ARAP2: variants seen among roughly 807,000 people sequenced by gnomAD.
The protein encoded by ARAP2 is arf-GAP with Rho-GAP domain, ANK repeat and PH domain-containing protein 2.
Under a neutral mutation model 194.5 loss-of-function variants are expected in ARAP2, and 148 were observed. The ratio of observed to expected loss-of-function variants is 0.76; its 90% confidence interval spans 0.67 to 0.87. The LOEUF is 0.87. Among genes scored for constraint, ARAP2 ranks in the 40% least tolerant of loss-of-function variants. The pLI is 0.00. For synonymous variants in ARAP2, 695 were observed against 683.5 expected (o/e 1.02, Z -0.26); for missense variants, 2,128 against 1,989.7 (o/e 1.07, Z -1.32).
chr4:36,107,096 A>G (rs1718615889), intron 27 of ARAP2, among the ~76,000 whole-genome samples: 1 of 151,992 alleles, frequency 6.6e-6, no homozygotes, highest in African/African-American at 2.4e-5. Flanking sequence ...GATGGGAAGC[A>G]TTCTTACTGG....
Position 36,229,409 on chromosome 4 carries a change from A to T in ARAP2, c.78T>A (p.His26Gln), listed in dbSNP as rs1751001706. 1.9e-6 allele frequency: 3 copies of T among 1,613,864 alleles called. No individual in the cohort carries two copies. The South Asian group carries it at 3.3e-5, about 18-fold the overall frequency. The stretch of plus-strand genomic sequence containing the variant: ...CAGTAGTAAAACCAGACTCATGGAA[A>T]TGTAAGAGATACTGCTCCAAATTAA... ...MSINLEQYLL[H>Q]FHESGFTTVK... is the part of the protein sequence containing the mutation. Residue 26 changes from histidine (H) to glutamine (Q), a missense_variant, in exon 2 of 33, where the codon CAT (histidine) becomes CAA (glutamine). Transcript: ENST00000303965.
chr4:36,019,963 G>A (rs558862718), intron 5 of ARAP2, among the ~76,000 whole-genome samples: 9 of 152,156 alleles, frequency 5.9e-5, no homozygotes, highest in Non-Finnish European at 1.2e-4. Context: ...TTTTTTCCCT[G>A]TAAATACATA....
intron 19 of ARAP2, among the ~76,000 whole-genome samples, chr4:36,144,378 T>C (rs1431632191): frequency 6.6e-6 from 1 of 151,904 alleles, no homozygotes; most frequent in African/African-American, 2.4e-5. Flanking sequence ...TAAAACTGCA[T>C]TTATGCTAGT....
intron 31 of ARAP2, among the ~76,000 whole-genome samples, chr4:36,078,207 G>C (rs941402945): frequency 3.3e-5 from 5 of 152,120 alleles, no homozygotes; most frequent in Non-Finnish European, 7.4e-5. Flanking sequence ...TTTAGTAAGA[G>C]AGGCAGACAT....
At chr4:36,164,341 CACTT>C (rs2109795600) in intron 11 of ARAP2, among the ~76,000 whole-genome samples, 1 of 152,226 alleles carries the variant, frequency 6.6e-6, no homozygotes, top group Admixed American at 6.5e-5. Context: ...TCCTTCCACT[CACTT>C]GGGCAACTGT....
intron 5 of ARAP2, among the ~76,000 whole-genome samples, chr4:36,024,250 T>C (rs760180483): frequency 6.6e-6 from 1 of 152,198 alleles, no homozygotes; most frequent in Non-Finnish European, 1.5e-5. Flanking sequence ...CAACGATTTA[T>C]GAATATATAT....
At chr4:36,221,206 C>CTA (rs1429422707) in intron 2 of ARAP2, among the ~76,000 whole-genome samples, 2 of 151,954 alleles carry the variant, frequency 1.3e-5, no homozygotes, top group Non-Finnish European at 2.9e-5. Flanking sequence ...GTGTAATAGG[C>CTA]TATACCATCT....
At chr4:36,239,473 C>T (rs1753087636) in intron 1 of ARAP2, among the ~76,000 whole-genome samples, 1 of 152,262 alleles carries the variant, frequency 6.6e-6, no homozygotes, top group Non-Finnish European at 1.5e-5. Context: ...AATACTGTCA[C>T]ATGCTACAAT....
intron 19 of ARAP2, among the ~76,000 whole-genome samples, chr4:36,145,531 G>A (rs1262778696): frequency 2.6e-5 from 4 of 151,844 alleles, no homozygotes; most frequent in African/African-American, 9.7e-5. Context: ...TCCAAAAGTG[G>A]GGACCAAAGG....
At chr4:36,179,699 C>G (rs1013105537) in intron 8 of ARAP2, among the ~76,000 whole-genome samples, 2 of 152,160 alleles carry the variant, frequency 1.3e-5, no homozygotes, top group Non-Finnish European at 1.5e-5. Context: ...GAAAGCAGAG[C>G]CCAGTTTGGG....
At chr4:36,081,667 C>G (rs558875961) in intron 30 of ARAP2, among the ~76,000 whole-genome samples, 1 of 151,836 alleles carries the variant, frequency 6.6e-6, no homozygotes, top group South Asian at 2.1e-4. Flanking sequence ...AAAGAAGAGG[C>G]CTGAAGAGCA....
intron 5 of ARAP2, among the ~76,000 whole-genome samples, chr4:36,045,056 C>T (rs550389331): frequency 3.0e-4 from 45 of 151,902 alleles, no homozygotes; most frequent in African/African-American, 9.4e-4. Context: ...TGTTGGTGAG[C>T]GTGTAGAGGA....
chr4:36,054,891 T>C (rs1723242749), intron 2 of ARAP2, among the ~76,000 whole-genome samples: 1 of 152,192 alleles, frequency 6.6e-6, no homozygotes, highest in South Asian at 2.1e-4. Context: ...TAGTCTACTT[T>C]AAGGACATTT....
At chr4:36,149,610 G>C (rs1730466758) in intron 16 of ARAP2, among the ~76,000 whole-genome samples, 1 of 152,100 alleles carries the variant, frequency 6.6e-6, no homozygotes, top group African/African-American at 2.4e-5. Context: ...ATATTAATAT[G>C]CTGATATAAA....
In ARAP2 at chr4:36,158,779, T is replaced by C. The variant is rs1217599101; in HGVS notation, c.2703A>G (p.Gln901=). 6.2e-7 allele frequency: 1 copy of C among 1,612,220 alleles called. No individual in the cohort carries two copies. Among genetic ancestry groups the C allele is most frequent in the Non-Finnish European group, 8.5e-7 (1 of 1,179,338 alleles). Residue 901 remains glutamine (Q), a synonymous_variant, in exon 15 of 33, where the codon CAA becomes CAG. Coordinates refer to ENST00000303965, the MANE Select transcript of ARAP2 (RefSeq NM_015230.4). ...AGAGTTTAGAAGCAGCAGAAGGAGC[T>C]TGATATAAAAAGTCACAGAGGAATG... ...QSTFLCDFLY[Q]APSAASKLSS... is the part of the protein sequence containing the mutation.
intron 2 of ARAP2, among the ~76,000 whole-genome samples, chr4:36,052,693 G>A (rs1454394341): frequency 6.6e-6 from 1 of 152,160 alleles, no homozygotes; most frequent in Non-Finnish European, 1.5e-5. Context: ...GGCTGGGCTC[G>A]GAGGCTCACG....
chr4:36,171,845 C>T (rs1736727762), intron 9 of ARAP2, among the ~76,000 whole-genome samples: 1 of 151,802 alleles, frequency 6.6e-6, no homozygotes, highest in African/African-American at 2.4e-5. Context: ...AAATAACTAG[C>T]AGGCATAATT....
In ARAP2 at chr4:36,098,106, C is replaced by T. The variant is rs10005052; in HGVS notation, c.4286-6086G>A. 9.1e-3 allele frequency among the ~76,000 whole-genome samples: 1,377 copies of T among 151,938 alleles called. 18 individuals are homozygous for T. Among genetic ancestry groups the T allele is most frequent in the African/African-American group, 0.031 (1,295 of 41,450 alleles). On this transcript the variant is annotated intron_variant, in intron 27 of 32. Transcript: ENST00000303965. ...ATTTGAAAATCTCAGTTTTTTAGTA[C>T]AAAAATAGTTATCTCCAAACCACCA...
At chr4:36,162,604 C>CTTGTCTT (rs1734354103) in intron 11 of ARAP2, among the ~76,000 whole-genome samples, 1 of 142,576 alleles carries the variant, frequency 7.0e-6, no homozygotes, top group South Asian at 2.2e-4. Context: ...AAGTTCTTGT[C>CTTGTCTT]TTTTTTTTTT....
Sources: allele counts gnomAD v4.1 joint callset (sites outside exome capture counted in the v4.1 genomes callset), GRCh38; gene constraint gnomAD v4.1.1; transcripts MANE v1.5; gene names NCBI Gene and HGNC (gene_info 2026-07-23, HGNC 2026-07-21).